The following CABLES1 variants were observed in gnomAD, a reference collection of about 807,000 sequenced individuals.
The protein encoded by CABLES1 is Cdk5 and Abl enzyme substrate 1.
Under a neutral mutation model 57.8 loss-of-function variants are expected in CABLES1, and 36 were observed. That is an observed-to-expected ratio of 0.62 (90% confidence interval 0.48 to 0.82). The LOEUF is 0.82. Among genes scored for constraint, CABLES1 ranks in the 40% least tolerant of loss-of-function variants. The pLI is 0.00. For missense variants in CABLES1, 767 were observed against 836.6 expected, an observed-to-expected ratio of 0.92 and a Z score of 1.03; for synonymous variants, 374 against 363.0, an observed-to-expected ratio of 1.03 and a Z score of -0.35.
chr18:23,167,677 C>T (rs1213273554), intron 1 of CABLES1, among the ~76,000 whole-genome samples: 1 of 151,742 alleles, frequency 6.6e-6, no homozygotes, highest in Non-Finnish European at 1.5e-5. Flanking sequence ...AGAAAATCCA[C>T]CTGACAGTAC....
At chr18:23,176,686 A>G (rs62093414) in intron 1 of CABLES1, among the ~76,000 whole-genome samples, 324 of 152,304 alleles carry the variant, frequency 2.1e-3, no homozygotes, top group Non-Finnish European at 3.5e-3. Flanking sequence ...CTTTGTTTCC[A>G]TAAACCACTA....
At chr18:23,255,013 T>G (rs548378758) in intron 9 of CABLES1, among the ~76,000 whole-genome samples, 6 of 152,174 alleles carry the variant, frequency 3.9e-5, no homozygotes, top group African/African-American at 1.4e-4. Context: ...GCAGGGTTTG[T>G]GGGTTTAGGA....
intron 9 of CABLES1, among the ~76,000 whole-genome samples, chr18:23,255,139 C>T (rs2048130689): frequency 6.6e-6 from 1 of 152,038 alleles, no homozygotes; most frequent in African/African-American, 2.4e-5. Flanking sequence ...GTGTGAGGCC[C>T]ATGGAGGAGG....
At chr18:23,174,632 C>T (rs931811640) in intron 1 of CABLES1, among the ~76,000 whole-genome samples, 23 of 151,570 alleles carry the variant, frequency 1.5e-4, no homozygotes, top group African/African-American at 4.1e-4. Context: ...CCACCACACC[C>T]GGCTAATTTT....
intron 2 of CABLES1, among the ~76,000 whole-genome samples, chr18:23,190,732 G>A (rs910544874): frequency 2.6e-5 from 4 of 152,150 alleles, no homozygotes; most frequent in African/African-American, 9.7e-5. Context: ...GAAATCAGAA[G>A]AGTTTTAGAA....
chr18:23,237,969 C>T (rs2047645231), intron 7 of CABLES1, among the ~76,000 whole-genome samples: 1 of 152,028 alleles, frequency 6.6e-6, no homozygotes, highest in South Asian at 2.1e-4. Flanking sequence ...GTCGATTGGC[C>T]AGGCCTGCCA....
intron 3 of CABLES1, among the ~76,000 whole-genome samples, chr18:23,202,904 G>A (rs1418471027): frequency 6.6e-6 from 1 of 151,364 alleles, no homozygotes; most frequent in African/African-American, 2.4e-5. Flanking sequence ...GGAGAATGGC[G>A]TGAACCCGGG....
At chr18:23,181,367 G>A (rs1239978148) in intron 1 of CABLES1, among the ~76,000 whole-genome samples, 1 of 151,824 alleles carries the variant, frequency 6.6e-6, no homozygotes, top group Non-Finnish European at 1.5e-5. Flanking sequence ...GTGGTGGTAT[G>A]CGCCTGTAGT....
intron 4 of CABLES1, chr18:23,214,264 T>G (rs573977638): frequency 3.7e-4 from 184 of 493,002 alleles, no homozygotes; most frequent in African/African-American, 3.2e-3. Flanking sequence ...TGTCCCATCC[T>G]ATTGCCTGTT....
intron 4 of CABLES1, among the ~76,000 whole-genome samples, chr18:23,220,067 C>A (rs1219804893): frequency 6.6e-6 from 1 of 152,072 alleles, no homozygotes; most frequent in Admixed American, 6.5e-5. Flanking sequence ...AGGTTTAGAC[C>A]AAGCTGATAA....
At chr18:23,155,977 G>A (rs1203303119) in intron 1 of CABLES1, 1 of 1,613,944 alleles carries the variant, frequency 6.2e-7, no homozygotes, top group Non-Finnish European at 8.5e-7. Context: ...GATCGCCTGG[G>A]TGACCCAGAG....
chr18:23,254,342 C>T (rs1051115112), intron 9 of CABLES1, among the ~76,000 whole-genome samples: 3 of 152,176 alleles, frequency 2.0e-5, no homozygotes, highest in East Asian at 1.9e-4. Context: ...TGGGGAAAGG[C>T]GTGAGTTTGA....
chr18:23,180,211 G>A (rs191873119), intron 1 of CABLES1, among the ~76,000 whole-genome samples: 6 of 152,158 alleles, frequency 3.9e-5, no homozygotes, highest in East Asian at 1.9e-4. Flanking sequence ...ATGAGCCACC[G>A]CGCCTGGCCA....
intron 1 of CABLES1, among the ~76,000 whole-genome samples, chr18:23,174,839 T>TATATATATATATATATATATATATATAC (rs2047111375): frequency 7.2e-6 from 1 of 139,362 alleles, no homozygotes; most frequent in African/African-American, 2.7e-5. Context: ...TATATATATA[T>TATATATATATATATATATATATATATAC]ATATATATAT....
At chr18:23,229,565 GA>G (rs1236705610) in intron 4 of CABLES1, among the ~76,000 whole-genome samples, 7 of 152,214 alleles carry the variant, frequency 4.6e-5, no homozygotes, top group Admixed American at 4.6e-4. Context: ...CCTGGTGCTG[GA>G]GAGTTAGTGC....
At chr18:23,201,726 G>A (rs2047326567) in intron 3 of CABLES1, among the ~76,000 whole-genome samples, 1 of 152,156 alleles carries the variant, frequency 6.6e-6, no homozygotes, top group South Asian at 2.1e-4. Context: ...TGTGACTATT[G>A]GGATGTATCC....
At chr18:23,221,039 C>T (rs909594191) in intron 4 of CABLES1, among the ~76,000 whole-genome samples, 1 of 152,146 alleles carries the variant, frequency 6.6e-6, no homozygotes, top group East Asian at 1.9e-4. Context: ...TTCCCCGATA[C>T]ACCCAAGTTG....
At chr18:23,189,942 A>G (rs1382198372) in intron 2 of CABLES1, among the ~76,000 whole-genome samples, 2 of 152,220 alleles carry the variant, frequency 1.3e-5, no homozygotes, top group Non-Finnish European at 2.9e-5. Context: ...GCAACTGTGA[A>G]CTTTGTCACT....
At chr18:23,235,781 T>A in intron 5 of CABLES1, 114 bp from the exon 6 acceptor site, 1 of 1,074,826 alleles carries the variant, frequency 9.3e-7, no homozygotes, top group East Asian at 2.4e-5. Context: ...ATTTCAGAAT[T>A]GCAAATAGGA....
Sources: allele counts gnomAD v4.1 joint callset (sites outside exome capture counted in the v4.1 genomes callset), GRCh38; gene constraint gnomAD v4.1.1; transcripts MANE v1.5; gene names NCBI Gene and HGNC (gene_info 2026-07-23, HGNC 2026-07-21).